Variants in SIK3 observed in about 807,000 individuals in gnomAD.
SIK3 encodes SIK family kinase 3.
SIK3 carries 28 observed loss-of-function variants against 144.2 expected under a neutral mutation model. The observed-to-expected ratio is 0.19, with a 90% CI of 0.14 to 0.27. The LOEUF is 0.27. Among genes scored for constraint, SIK3 ranks in the 10% least tolerant of loss-of-function variants. The pLI is 1.00. For missense variants in SIK3, 1,319 were observed against 1,776.0 expected (o/e 0.74, Z 4.62); for synonymous variants, 686 against 676.3 (o/e 1.01, Z -0.22).
intron 1 of SIK3, among the ~76,000 whole-genome samples, chr11:117,064,405 G>A (rs1180391626): frequency 1.3e-5 from 2 of 151,950 alleles, no homozygotes; most frequent in African/African-American, 4.8e-5. Context: ...TTTATTCTTT[G>A]AGATTGCTGA....
intron 1 of SIK3, among the ~76,000 whole-genome samples, chr11:117,014,909 T>G (rs1951453705): frequency 6.6e-6 from 1 of 151,842 alleles, no homozygotes; most frequent in African/African-American, 2.4e-5. Context: ...ACTAAAAATA[T>G]GAAAATTAGC....
intron 21 of SIK3, among the ~76,000 whole-genome samples, chr11:116,852,194 T>C (rs577975): frequency 0.17 from 26,012 of 152,246 alleles, 4,559 homozygotes; most frequent in African/African-American, 0.45. Flanking sequence ...GTTTGTTTGC[T>C]GTGTCTTTTA....
intron 21 of SIK3, among the ~76,000 whole-genome samples, chr11:116,856,416 A>G (rs1394755084): frequency 1.3e-5 from 2 of 152,224 alleles, no homozygotes; most frequent in African/African-American, 2.4e-5. Flanking sequence ...TGCAACTTCT[A>G]TCTTGATCTT....
In SIK3 at chr11:116,844,572, AGAG is replaced by A. The variant is rs1317739603; in HGVS notation, c.*1068_*1070del. On this transcript the variant is annotated 3_prime_UTR_variant, in exon 25 of 25. Transcript: ENST00000445177. ...TCTTCCCTGTGACAAAGAGGCTGAA[AGAG>A]GAGAGCATATATATATATATTTTAT... is the stretch of plus-strand genomic sequence containing the variant. 7.1e-6 allele frequency: 1 copy of A among 139,968 alleles called. No individual in the cohort carries two copies. Among genetic ancestry groups the A allele is most frequent in the Admixed American group, 7.7e-5 (1 of 12,968 alleles). 8.7% of individuals were successfully genotyped at this position (139,968 alleles called of 1,614,324 possible). A position where few individuals can be genotyped will look rare whatever the true frequency, so the allele number is the denominator to read the frequency against.
intron 1 of SIK3, among the ~76,000 whole-genome samples, chr11:116,964,285 G>A (rs1361932804): frequency 1.3e-5 from 2 of 152,192 alleles, no homozygotes; most frequent in South Asian, 2.1e-4. Context: ...ACACGCAACA[G>A]CCACCACACC....
intron 1 of SIK3, among the ~76,000 whole-genome samples, chr11:117,030,799 G>A (rs922708788): frequency 3.9e-5 from 6 of 152,138 alleles, no homozygotes; most frequent in Non-Finnish European, 5.9e-5. Flanking sequence ...ACCTCGCAAA[G>A]TACTAGGATT....
chr11:116,852,519 G>C (rs1184360618), intron 21 of SIK3, among the ~76,000 whole-genome samples: 4 of 152,184 alleles, frequency 2.6e-5, no homozygotes, highest in Non-Finnish European at 5.9e-5. Flanking sequence ...GCAGGAGCTC[G>C]GGCAAGTTAT....
At chr11:116,967,209 A>C (rs1949590775) in intron 1 of SIK3, among the ~76,000 whole-genome samples, 1 of 152,154 alleles carries the variant, frequency 6.6e-6, no homozygotes, top group South Asian at 2.1e-4. Flanking sequence ...AAAATAACAC[A>C]GACTCACAGA....
chr11:117,006,338 A>C (rs752863824), intron 1 of SIK3, among the ~76,000 whole-genome samples: 1 of 152,268 alleles, frequency 6.6e-6, no homozygotes, highest in Non-Finnish European at 1.5e-5. Flanking sequence ...ACCCAACAGC[A>C]GAATGCAGGT....
intron 3 of SIK3, among the ~76,000 whole-genome samples, chr11:116,945,757 G>GA (rs534121161): frequency 2.5e-4 from 38 of 152,072 alleles, no homozygotes; most frequent in Admixed American, 7.9e-4. Flanking sequence ...GGTGGTAGGG[G>GA]AAAAAAATCA....
At chr11:116,900,350 C>T (rs918162369) in intron 4 of SIK3, among the ~76,000 whole-genome samples, 1 of 152,178 alleles carries the variant, frequency 6.6e-6, no homozygotes, top group Non-Finnish European at 1.5e-5. Context: ...TCCATTTCTA[C>T]CACTGCAGTT....
In SIK3 at chr11:116,862,188, G is replaced by A. The variant is rs757885819; in HGVS notation, c.2229+14C>T. ...CTCCAAACAAGTTGGAGAAAGCAAA[G>A]AGTGAGGGCCTACTTGAATTTGTTG... On this transcript the variant is annotated intron_variant, in intron 17 of 24. Transcript: ENST00000445177. 5.6e-6 allele frequency: 9 copies of A among 1,614,220 alleles called. No homozygotes were observed. The highest frequency in any genetic ancestry group is 7.6e-6 in the Non-Finnish European group (9 of 1,180,044).
intron 1 of SIK3, among the ~76,000 whole-genome samples, chr11:117,043,858 C>A (rs1660327704): frequency 6.6e-6 from 1 of 152,178 alleles, no homozygotes; most frequent in African/African-American, 2.4e-5. Flanking sequence ...GTTTTATTCA[C>A]CTTTATGCCA....
At chr11:116,983,323 G>A (rs544639678) in intron 1 of SIK3, among the ~76,000 whole-genome samples, 4 of 151,538 alleles carry the variant, frequency 2.6e-5, no homozygotes, top group East Asian at 2.0e-4. Context: ...CTTGAGGTCA[G>A]GAGTTCGAGA....
At chr11:116,864,754 T>A (rs1165731692) in intron 15 of SIK3, 1 of 152,252 alleles carries the variant, frequency 6.6e-6, no homozygotes, top group Non-Finnish European at 1.5e-5. Flanking sequence ...AGGGCAGAGA[T>A]GCCATTACAC....
At chr11:117,057,086 A>C (rs1953568678) in intron 1 of SIK3, among the ~76,000 whole-genome samples, 1 of 152,226 alleles carries the variant, frequency 6.6e-6, no homozygotes, top group Non-Finnish European at 1.5e-5. Flanking sequence ...CAATGGAGAC[A>C]TCTTGTGAAA....
intron 6 of SIK3, among the ~76,000 whole-genome samples, chr11:116,883,744 G>C (rs1328398981): frequency 6.6e-6 from 1 of 152,080 alleles, no homozygotes; most frequent in Non-Finnish European, 1.5e-5. Context: ...GACCAGCCTG[G>C]CCAACATGGT....
In SIK3 at chr11:116,881,128, AAAAT is replaced by A. The variant is rs553469594; in HGVS notation, c.866-4090_866-4087del. 3.4e-3 allele frequency among the ~76,000 whole-genome samples: 517 copies of A among 152,212 alleles called. 4 individuals are homozygous for A. The highest frequency in any genetic ancestry group is 5.7e-3 in the Non-Finnish European group (386 of 68,012). On this transcript the variant is annotated intron_variant, in intron 6 of 24. Transcript: ENST00000445177. ...GACAGAGCGAGACTCCGTCTCTAAAAAAATAAATAAATAAAATAAATAAATAAAT... is the reference window on the plus strand; with the variant it reads ...GACAGAGCGAGACTCCGTCTCTAAAAAAATAAATAAAATAAATAAATAAAT...
intron 1 of SIK3, among the ~76,000 whole-genome samples, chr11:117,084,920 T>C (rs905392319): frequency 6.6e-6 from 1 of 152,028 alleles, no homozygotes; most frequent in Non-Finnish European, 1.5e-5. Context: ...GGAAACAAAA[T>C]TAAGGAACTC....
Sources: gnomAD v4.1 joint callset for allele counts (sites outside exome capture counted in the v4.1 genomes callset) on GRCh38, gnomAD v4.1.1 for gene constraint, MANE v1.5 for transcripts, NCBI Gene and HGNC (gene_info 2026-07-23, HGNC 2026-07-21) for gene names.